ADGRL2: variants seen among roughly 807,000 people sequenced by gnomAD.
ADGRL2 encodes calcium-independent alpha-latrotoxin receptor 2.
ADGRL2 carries 44 observed loss-of-function variants against 157.4 expected under a neutral mutation model. The ratio of observed to expected loss-of-function variants is 0.28; its 90% CI spans 0.22 to 0.36. ADGRL2 has a LOEUF of 0.36. Ranked by LOEUF, ADGRL2 falls within the 10% of genes least tolerant of loss-of-function variation. The pLI is 1.00. For missense variants in ADGRL2, 1,510 were observed against 1,768.9 expected (o/e 0.85, Z 2.63); for synonymous variants, 585 against 624.7 (o/e 0.94, Z 0.95).
intron 1 of ADGRL2, chr1:81,721,949 A>C: frequency 7.9e-6 from 5 of 633,490 alleles, no homozygotes; most frequent in African/African-American, 3.6e-5. Context: ...TTGATAATGA[A>C]TGGGTGATTG....
intron 2 of ADGRL2, among the ~76,000 whole-genome samples, chr1:81,854,681 C>T (rs1366269398): frequency 6.6e-6 from 1 of 151,890 alleles, no homozygotes; most frequent in Non-Finnish European, 1.5e-5. Context: ...CCTTATGACA[C>T]CTAAAGGGGA....
chr1:81,951,323 CT>C (rs1480281512), intron 8 of ADGRL2, among the ~76,000 whole-genome samples: 3 of 152,020 alleles, frequency 2.0e-5, no homozygotes, highest in Non-Finnish European at 4.4e-5. Flanking sequence ...CTATGTTAAG[CT>C]TTTTAGTGAG....
At chr1:81,516,974 T>C (rs2079192744) in intron 2 of ADGRL2, among the ~76,000 whole-genome samples, 1 of 152,090 alleles carries the variant, frequency 6.6e-6, no homozygotes, top group South Asian at 2.1e-4. Flanking sequence ...TTTAGCTTTT[T>C]TTAGACAGAG....
chr1:81,983,305 TAAG>T (rs1445213384), intron 19 of ADGRL2, among the ~76,000 whole-genome samples: 1 of 151,980 alleles, frequency 6.6e-6, no homozygotes, highest in African/African-American at 2.4e-5. Flanking sequence ...GATGAGTTGT[TAAG>T]AATATGATAT....
chr1:81,965,316 T>G (rs1396242944), intron 11 of ADGRL2, among the ~76,000 whole-genome samples: 1 of 152,174 alleles, frequency 6.6e-6, no homozygotes, highest in African/African-American at 2.4e-5. Context: ...TACAAATGAA[T>G]AAGCATGATT....
chr1:81,852,371 G>T (rs2150541335), intron 2 of ADGRL2, among the ~76,000 whole-genome samples: 1 of 152,204 alleles, frequency 6.6e-6, no homozygotes, highest in African/African-American at 2.4e-5. Context: ...GTAAGAGAAA[G>T]ATGGAAAGAT....
intron 2 of ADGRL2, among the ~76,000 whole-genome samples, chr1:81,456,675 A>T (rs951504656): frequency 3.9e-5 from 6 of 152,044 alleles, no homozygotes; most frequent in Non-Finnish European, 5.9e-5. Context: ...TTTCCTAAAC[A>T]AGCTACAGTT....
At chr1:81,420,577 G>A (rs536119229) in intron 1 of ADGRL2, among the ~76,000 whole-genome samples, 14 of 152,310 alleles carry the variant, frequency 9.2e-5, no homozygotes, top group African/African-American at 3.4e-4. Context: ...TGAGTAAAGA[G>A]CATTGTTTTG....
At chr1:81,848,010 A>G (rs2092857620) in intron 2 of ADGRL2, among the ~76,000 whole-genome samples, 1 of 151,686 alleles carries the variant, frequency 6.6e-6, no homozygotes, top group African/African-American at 2.4e-5. Context: ...ATGGCTAAAT[A>G]TGTTTTATCT....
chr1:81,399,628 GTTTGGTTC>G (rs1376501440), intron 1 of ADGRL2, among the ~76,000 whole-genome samples: 1 of 151,858 alleles, frequency 6.6e-6, no homozygotes, highest in African/African-American at 2.4e-5. Flanking sequence ...CACAATTTCT[GTTTGGTTC>G]TTTTAATATC....
intron 1 of ADGRL2, among the ~76,000 whole-genome samples, chr1:81,349,042 C>T (rs1050886282): frequency 1.3e-5 from 2 of 152,062 alleles, no homozygotes; most frequent in Non-Finnish European, 2.9e-5. Context: ...TACACTTAAA[C>T]CATATATATA....
chr1:81,620,048 G>A (rs2081755760), intron 3 of ADGRL2, among the ~76,000 whole-genome samples: 1 of 152,118 alleles, frequency 6.6e-6, no homozygotes, highest in African/African-American at 2.4e-5. Context: ...AACACTAGCT[G>A]TTACCACTAT....
chr1:81,911,606 A>T, intron 3 of ADGRL2, among the ~76,000 whole-genome samples: 1 of 152,190 alleles, frequency 6.6e-6, no homozygotes, highest in Non-Finnish European at 1.5e-5. Flanking sequence ...GCTTTATAAC[A>T]TGACCTCAAG....
chr1:81,880,790 G>A (rs762206553), intron 2 of ADGRL2, among the ~76,000 whole-genome samples: 10 of 152,000 alleles, frequency 6.6e-5, no homozygotes, highest in Admixed American at 3.9e-4. Flanking sequence ...GCATGTTTAG[G>A]CAAGCCCCCT....
chr1:81,358,638 G>T (rs1341316062), intron 1 of ADGRL2, among the ~76,000 whole-genome samples: 1 of 152,016 alleles, frequency 6.6e-6, no homozygotes, highest in Non-Finnish European at 1.5e-5. Context: ...AATCAACCTG[G>T]ATAGGACAGC....
intron 3 of ADGRL2, among the ~76,000 whole-genome samples, chr1:81,599,820 G>C (rs1005408595): frequency 6.6e-6 from 1 of 152,094 alleles, no homozygotes; most frequent in African/African-American, 2.4e-5. Context: ...GGATACAAAT[G>C]CAGGCTTATC....
intron 2 of ADGRL2, among the ~76,000 whole-genome samples, chr1:81,902,297 T>A (rs1337742907): frequency 6.6e-6 from 1 of 152,154 alleles, no homozygotes; most frequent in Non-Finnish European, 1.5e-5. Flanking sequence ...TTTCTTACCA[T>A]ATTTAAAGAG....
chr1:81,592,286 T>A (rs2081147822), intron 3 of ADGRL2, among the ~76,000 whole-genome samples: 1 of 152,234 alleles, frequency 6.6e-6, no homozygotes, highest in Non-Finnish European at 1.5e-5. Flanking sequence ...TTTTAGGCTT[T>A]GAGATCATAT....
At chr1:81,557,519 AAG>A (rs1157764874) in intron 2 of ADGRL2, 1 of 151,466 alleles carries the variant, frequency 6.6e-6, no homozygotes, top group Non-Finnish European at 1.5e-5. Flanking sequence ...GAAAGAAAGA[AAG>A]AAAGAGAAGA....
Sources: allele counts gnomAD v4.1 joint callset (sites outside exome capture counted in the v4.1 genomes callset), GRCh38; gene constraint gnomAD v4.1.1; transcripts MANE v1.5; gene names NCBI Gene and HGNC (gene_info 2026-07-23, HGNC 2026-07-21).